SOAT1: variants seen among roughly 807,000 people sequenced by gnomAD.
The protein encoded by SOAT1 is sterol O-acyltransferase 1.
SOAT1 carries 55 observed loss-of-function variants against 69.5 expected under a neutral mutation model. The ratio of observed to expected loss-of-function variants is 0.79; its 90% confidence interval spans 0.64 to 0.99. The LOEUF (loss-of-function observed/expected upper bound fraction) is 0.99. SOAT1 is among the 50% of genes least tolerant of loss of function. The pLI is 0.00. For missense variants in SOAT1, 580 were observed against 669.3 expected, an observed-to-expected ratio of 0.87 and a Z score of 1.47; for synonymous variants, 231 against 224.7, an observed-to-expected ratio of 1.03 and a Z score of -0.25.
At position 179,294,944 on chromosome 1, in the gene SOAT1, T is replaced by C. The variant is rs556163808; in HGVS notation, c.-9+1008T>C. Among the ~76,000 whole-genome samples the C allele has an allele frequency of 2.6e-5, 4 of 152,138 alleles. No homozygotes were observed. In the East Asian group the frequency reaches 7.7e-4, roughly 29 times the overall value. On this transcript the variant is annotated intron_variant, in intron 1 of 15. Coordinates refer to ENST00000367619, the MANE Select transcript of SOAT1 (RefSeq NM_003101.6). Reference sequence around the variant, plus strand: ...TGAAGTAGAATTCAATTTGAAGCTTTTTTTTTTTCTTTTTAAAAGTTGGGC... The same window carrying C: ...TGAAGTAGAATTCAATTTGAAGCTTCTTTTTTTTCTTTTTAAAAGTTGGGC...
intron 1 of SOAT1, among the ~76,000 whole-genome samples, chr1:179,295,956 C>T (rs987370586): frequency 2.8e-5 from 4 of 143,426 alleles, no homozygotes; most frequent in Non-Finnish European, 4.5e-5. Context: ...TGTGCTACCA[C>T]GCCCGGCTAA....
Position 179,348,933 on chromosome 1 carries a change from C to T in SOAT1, c.1305C>T (p.Asp435=). The T allele has an allele frequency of 6.4e-7, 1 of 1,572,448 alleles. No homozygotes were observed. The highest frequency in any genetic ancestry group is 1.1e-5 in the South Asian group (1 of 90,214). Residue 435 remains aspartate (D), a synonymous_variant, in exon 13 of 16, where the codon GAC becomes GAT. Transcript: ENST00000367619. ...HDWLYYYAYK[D]FLWFFSKRFK... Reference sequence around the variant, plus strand: ...GGCTATATTACTATGCTTACAAGGACTTTCTCTGGGTAAGTAGCAAGGTTT... The same window carrying T: ...GGCTATATTACTATGCTTACAAGGATTTTCTCTGGGTAAGTAGCAAGGTTT...
At position 179,299,745 on chromosome 1, in the gene SOAT1, C is replaced by CTTTTTTTTTT. The variant is rs1162260815; in HGVS notation, c.-8-2915_-8-2906dup. On this transcript the variant is annotated intron_variant, in intron 1 of 15. Transcript: ENST00000367619. ...ATTTATTTTTTAATCATTTTGCTAT[C>CTTTTTTTTTT]TTTTTTTTTTTTTTTTTTTTTTTTT... is the stretch of plus-strand genomic sequence containing the variant. Among the ~76,000 whole-genome samples the CTTTTTTTTTT allele has an allele frequency of 1.5e-3, 104 of 69,548 alleles. 19 individuals are homozygous for CTTTTTTTTTT. The highest frequency in any genetic ancestry group is 3.8e-3 in the East Asian group (8 of 2,102). 45.6% of individuals were successfully genotyped at this position (69,548 alleles called of 152,430 possible). A position where few individuals can be genotyped will look rare whatever the true frequency, so the allele number is the denominator to read the frequency against.
chr1:179,343,447 G>C (rs370151335), intron 9 of SOAT1, 143 bp from the exon 10 acceptor site: 2 of 592,828 alleles, frequency 3.4e-6, no homozygotes, highest in African/African-American at 3.8e-5. Flanking sequence ...GGCTGGTCTC[G>C]AACTCCTGGT....
intron 2 of SOAT1, among the ~76,000 whole-genome samples, chr1:179,321,055 T>C (rs1665582474): frequency 6.6e-6 from 1 of 152,014 alleles, no homozygotes; most frequent in South Asian, 2.1e-4. Flanking sequence ...TATAGGTGTC[T>C]GCCACCATGC....
intron 1 of SOAT1, among the ~76,000 whole-genome samples, chr1:179,300,037 A>G (rs1283598805): frequency 1.3e-5 from 2 of 151,496 alleles, no homozygotes; most frequent in African/African-American, 4.9e-5. Flanking sequence ...CTGGGATTAC[A>G]GGCATGAGCC....
In SOAT1 at chr1:179,302,734, G is replaced by C; in HGVS notation, c.50G>C (p.Arg17Thr). The change falls in exon 2 of 16, where the codon AGG (arginine) becomes ACG (threonine). Residue 17 changes from arginine (R) to threonine (T), a missense_variant. Coordinates refer to ENST00000367619, the MANE Select transcript of SOAT1 (RefSeq NM_003101.6). The stretch of plus-strand genomic sequence containing the variant: ...CTAAGAAACCGGCTGTCAAAGTCCA[G>C]GGAAAATCCTGAGGAAGATGAAGAC... Reference protein sequence around the residue: ...MSLRNRLSKSRENPEEDEDQR... With the variant: ...MSLRNRLSKSTENPEEDEDQR... The C allele has an allele frequency of 1.2e-6, 2 of 1,611,324 alleles. No individual in the cohort carries two copies. Among genetic ancestry groups the C allele is most frequent in the Non-Finnish European group, 1.7e-6 (2 of 1,179,290 alleles).
chr1:179,312,657 A>C (rs990535752), intron 2 of SOAT1, among the ~76,000 whole-genome samples: 1 of 152,100 alleles, frequency 6.6e-6, no homozygotes, highest in Non-Finnish European at 1.5e-5. Flanking sequence ...CCAGTGGGAG[A>C]ACTTCAGGAG....
rs1666946035 is a variant in SOAT1, at chr1:179,357,501, A to C, written c.*3860A>C. 1 of 152,224 alleles carries C rather than the reference A, an allele frequency of 6.6e-6. No individual in the cohort carries two copies. The highest frequency in any genetic ancestry group is 1.5e-5 in the Non-Finnish European group (1 of 68,066). 9.4% of individuals were successfully genotyped at this position (152,224 alleles called of 1,614,324 possible). On this transcript the variant is annotated 3_prime_UTR_variant, in exon 16 of 16. Coordinates refer to ENST00000367619, the MANE Select transcript of SOAT1 (RefSeq NM_003101.6). ...TAGGCATGAGCCATGCTCCCGGCCA[A>C]AGTGAATGTTTTGGGTGAAGTTTAT...
intron 5 of SOAT1, 51 bp from the exon 6 acceptor site, chr1:179,339,387 T>G (rs748617749): frequency 2.3e-6 from 3 of 1,285,374 alleles, no homozygotes; most frequent in East Asian, 2.5e-5. Context: ...TTATGGTGTT[T>G]TAAATTTAAA....
chr1:179,327,946 T>C (rs558160735), intron 3 of SOAT1, among the ~76,000 whole-genome samples: 1 of 152,294 alleles, frequency 6.6e-6, no homozygotes, highest in African/African-American at 2.4e-5. Flanking sequence ...GCCAGTGGGG[T>C]CATACAAACT....
At chr1:179,299,001 G>A (rs1664743690) in intron 1 of SOAT1, among the ~76,000 whole-genome samples, 1 of 152,106 alleles carries the variant, frequency 6.6e-6, no homozygotes, top group South Asian at 2.1e-4. Context: ...AGATTTGGGG[G>A]AGTCTTACAG....
At chr1:179,320,276 T>C (rs1665549460) in intron 2 of SOAT1, among the ~76,000 whole-genome samples, 1 of 152,134 alleles carries the variant, frequency 6.6e-6, no homozygotes, top group Non-Finnish European at 1.5e-5. Flanking sequence ...CCAGCTCCAT[T>C]TGTTGAAAAG....
At chr1:179,344,815 C>A in intron 10 of SOAT1, 132 bp from the exon 11 acceptor site, 1 of 774,472 alleles carries the variant, frequency 1.3e-6, no homozygotes, top group Non-Finnish European at 2.2e-6. Context: ...GTCTTCTATA[C>A]TAGTGTTAAA....
At chr1:179,328,895 A>G (rs1665874708) in intron 3 of SOAT1, among the ~76,000 whole-genome samples, 1 of 151,720 alleles carries the variant, frequency 6.6e-6, no homozygotes, top group Non-Finnish European at 1.5e-5. Flanking sequence ...AATACAAAAA[A>G]TTTGCTGGGC....
At chr1:179,353,222 T>TAAATATATATATATTTATATATATAA (rs1666806740) in intron 15 of SOAT1, among the ~76,000 whole-genome samples, 1 of 61,654 alleles carries the variant, frequency 1.6e-5, no homozygotes, top group African/African-American at 5.7e-5. Flanking sequence ...TATATATATA[T>TAAATATATATATATTTATATATATAA]ATCTATTTGT....
At chr1:179,312,912 C>T (rs901298854) in intron 2 of SOAT1, among the ~76,000 whole-genome samples, 2 of 152,140 alleles carry the variant, frequency 1.3e-5, no homozygotes, top group African/African-American at 2.4e-5. Context: ...TGACCACACA[C>T]TAGAAAAAGG....
chr1:179,313,107 CTGTTT>C (rs1157731485), intron 2 of SOAT1, among the ~76,000 whole-genome samples: 1 of 152,200 alleles, frequency 6.6e-6, no homozygotes, highest in African/African-American at 2.4e-5. Flanking sequence ...GTGTACTTGT[CTGTTT>C]TATTTGCCAA....
intron 2 of SOAT1, among the ~76,000 whole-genome samples, chr1:179,305,182 G>A (rs1013381564): frequency 6.6e-6 from 1 of 152,040 alleles, no homozygotes; most frequent in African/African-American, 2.4e-5. Flanking sequence ...TTCTTATAAG[G>A]GGATTCGTAG....
Sources: gnomAD v4.1 joint callset for allele counts (sites outside exome capture counted in the v4.1 genomes callset) on GRCh38, gnomAD v4.1.1 for gene constraint, MANE v1.5 for transcripts, NCBI Gene and HGNC (gene_info 2026-07-23, HGNC 2026-07-21) for gene names.